Variants in USP19 observed in about 807,000 individuals in gnomAD.
USP19 encodes ubiquitin specific peptidase 19.
USP19 carries 40 observed loss-of-function variants against 144.8 expected under a neutral mutation model. That is an observed-to-expected ratio of 0.28 (90% CI 0.21 to 0.36). The LOEUF (loss-of-function observed/expected upper bound fraction) is 0.36. Among genes scored for constraint, USP19 ranks in the 10% least tolerant of loss-of-function variants. The probability of loss-of-function intolerance (pLI) is 1.00; values close to 1 mark genes in which losing one functional copy is unlikely to be tolerated. For missense variants in USP19, 1,518 were observed against 1,822.5 expected (o/e 0.83, Z 3.04); for synonymous variants, 701 against 709.3 (o/e 0.99, Z 0.19).
chr3:49,116,262 G>A lies in USP19; in HGVS notation c.1355+18C>T. On this transcript the variant is annotated intron_variant, in intron 9 of 26. Coordinates refer to ENST00000417901, the MANE Select transcript of USP19 (RefSeq NM_001199161.2). The surrounding 1 kb of genome is among the most constrained non-coding windows in gnomAD (Gnocchi z 5.0). ...ACGGGGTAGGACAGGCACAGTGGTG[G>A]GGCCGGGCACCACCCACCTGAGCTT... is the stretch of plus-strand genomic sequence containing the variant. 6.2e-7 allele frequency: 1 copy of A among 1,613,390 alleles called. No homozygotes were observed. The highest frequency in any genetic ancestry group is 8.5e-7 in the Non-Finnish European group (1 of 1,179,802).
chr3:49,120,706 C>G (rs935194791), intron 1 of USP19, 50 bp downstream of exon 1: 1 of 187,252 alleles, frequency 5.3e-6, no homozygotes, highest in South Asian at 1.0e-4. Context: ...CCGCGCGTTG[C>G]GGCCTCCCCG....
In USP19 at chr3:49,111,841, A is replaced by T. The variant is rs377094420; in HGVS notation, c.2904-28T>A. The T allele has an allele frequency of 1.1e-5, 17 of 1,587,146 alleles. No homozygotes were observed. The highest frequency in any genetic ancestry group is 1.5e-5 in the Non-Finnish European group (17 of 1,165,184). ...GGCAACAGAGAACAACGCAAGTAAG[A>T]CTCCTGACCAGCCCATCTAGCACCT... On this transcript the variant is annotated intron_variant, in intron 20 of 26. Coordinates refer to ENST00000417901, the MANE Select transcript of USP19 (RefSeq NM_001199161.2). This position sits in a 1 kb window ranked among gnomAD's most constrained non-coding sequence, Gnocchi z 5.9.
rs2044244551 is a variant in USP19, at chr3:49,116,953, G to T, written c.910-10C>A. ...GTTCATCAGCCTCAACCTATTAATG[G>T]CAAGATTGTGGAAAGAATCAGCCCT... On this transcript the variant is annotated splice_polypyrimidine_tract_variant and intron_variant, in intron 6 of 26. Transcript: ENST00000417901. This position sits in a 1 kb window ranked among gnomAD's most constrained non-coding sequence, Gnocchi z 5.0. The T allele has an allele frequency of 6.2e-7, 1 of 1,611,458 alleles. No individual in the cohort carries two copies. The highest frequency in any genetic ancestry group is 1.3e-5 in the African/African-American group (1 of 74,864).
rs1019737663 is a variant in USP19, at chr3:49,114,835, C to T, written c.2220G>A (p.Arg740=). 6.2e-7 allele frequency: 1 copy of T among 1,614,072 alleles called. No homozygotes were observed. The highest frequency in any genetic ancestry group is 1.3e-5 in the African/African-American group (1 of 74,912). ...ATAGGTCCACGATGAAAGAGTCATTCCTCATCTTGTGCCGCTGCCATGCTT... is the reference window on the plus strand; with the variant it reads ...ATAGGTCCACGATGAAAGAGTCATTTCTCATCTTGTGCCGCTGCCATGCTT... The part of the protein sequence containing the change: ...AEEAWQRHKM[R]NDSFIVDLFQ... The change falls in exon 15 of 27, where the codon AGG becomes AGA. Residue 740 remains arginine, a synonymous_variant. Transcript: ENST00000417901. The surrounding 1 kb of genome is among the most constrained non-coding windows in gnomAD (Gnocchi z 4.5).
At position 49,116,753 on chromosome 3, in the gene USP19, G is replaced by A. The variant is rs371754773; in HGVS notation, c.1100C>T (p.Ala367Val). 2.9e-5 allele frequency: 47 copies of A among 1,611,992 alleles called. No individual in the cohort carries two copies. Among genetic ancestry groups the A allele is most frequent in the Non-Finnish European group, 4.0e-5 (47 of 1,178,742 alleles). The change falls in exon 7 of 27, where the codon GCA becomes GTA. Residue 367 changes from alanine to valine, a missense_variant. Coordinates refer to ENST00000417901, the MANE Select transcript of USP19 (RefSeq NM_001199161.2). This position sits in a 1 kb window ranked among gnomAD's most constrained non-coding sequence, Gnocchi z 5.0. Reference protein sequence around the residue: ...DDCAKEEMAVAADAATLVDEP... With the variant: ...DDCAKEEMAVVADAATLVDEP... ...ATCCACCAAGGTTGCAGCATCTGCT[G>A]CCACTGCCATCTCCTCCTTGGCACA... is the stretch of plus-strand genomic sequence containing the variant.
Position 49,117,628 on chromosome 3 carries a change from A to G in USP19, c.472+29T>C. The stretch of plus-strand genomic sequence containing the variant: ...AGGAGATATCAGAAGATTCAAACAT[A>G]CTACTGTGCTCAGGGCAGATGGACA... On this transcript the variant is annotated intron_variant, in intron 4 of 26. Transcript: ENST00000417901. This position sits in a 1 kb window ranked among gnomAD's most constrained non-coding sequence, Gnocchi z 4.4. The G allele has an allele frequency of 6.2e-7, 1 of 1,614,086 alleles. No individual in the cohort carries two copies. Among genetic ancestry groups the G allele is most frequent in the Non-Finnish European group, 8.5e-7 (1 of 1,179,996 alleles).
At position 49,116,703 on chromosome 3, in the gene USP19, C is replaced by G; in HGVS notation, c.1126+24G>C. The G allele has an allele frequency of 6.2e-7, 1 of 1,607,346 alleles. No homozygotes were observed. Among genetic ancestry groups the G allele is most frequent in the Non-Finnish European group, 8.5e-7 (1 of 1,175,928 alleles). On this transcript the variant is annotated intron_variant, in intron 7 of 26. Transcript: ENST00000417901. The surrounding 1 kb of genome is among the most constrained non-coding windows in gnomAD (Gnocchi z 5.0). ...AAACTTTGCAACCCAACCTAGGGCTCTGCCTGCCCACCCCCACCTTTACCA... is the reference window on the plus strand; with the variant it reads ...AAACTTTGCAACCCAACCTAGGGCTGTGCCTGCCCACCCCCACCTTTACCA...
chr3:49,119,462 C>T (rs1250211882), intron 1 of USP19, among the ~76,000 whole-genome samples, 181 bp from the exon 2 acceptor site: 1 of 152,240 alleles, frequency 6.6e-6, no homozygotes, highest in Non-Finnish European at 1.5e-5. Flanking sequence ...GCAGCAACCA[C>T]TTCTGGCCAA....
Position 49,115,193 on chromosome 3 carries a change from C to A in USP19, c.2022+35G>T. The A allele has an allele frequency of 1.2e-6, 2 of 1,613,280 alleles. No homozygotes were observed. Among genetic ancestry groups the A allele is most frequent in the Non-Finnish European group, 8.5e-7 (1 of 1,179,760 alleles). On this transcript the variant is annotated intron_variant, in intron 13 of 26. Coordinates refer to ENST00000417901, the MANE Select transcript of USP19 (RefSeq NM_001199161.2). The surrounding 1 kb of genome is among the most constrained non-coding windows in gnomAD (Gnocchi z 6.6). ...ACCCAGCTGGCTGGCCCTCCCCGCCCCCTCCAGCCAAGGGTGACAGTGGTC... is the reference window on the plus strand; with the variant it reads ...ACCCAGCTGGCTGGCCCTCCCCGCCACCTCCAGCCAAGGGTGACAGTGGTC...
intron 17 of USP19, among the ~76,000 whole-genome samples, chr3:49,113,691 G>A (rs573590685): frequency 1.3e-4 from 20 of 152,098 alleles, no homozygotes; most frequent in South Asian, 4.2e-4. Context: ...TCCACATCCC[G>A]GGCTCAAGTG....
chr3:49,110,013 G>A lies in USP19; in HGVS notation c.4038+171C>T. On this transcript the variant is annotated intron_variant, in intron 26 of 26. Coordinates refer to ENST00000417901, the MANE Select transcript of USP19 (RefSeq NM_001199161.2). The surrounding 1 kb of genome is among the most constrained non-coding windows in gnomAD (Gnocchi z 6.1). ...CTTGTATGTTTGTTAGTGTCCCCAAGGCATGGGGATGCCTCTGGCTAAAGC... is the reference window on the plus strand; with the variant it reads ...CTTGTATGTTTGTTAGTGTCCCCAAAGCATGGGGATGCCTCTGGCTAAAGC... The A allele has an allele frequency of 1.4e-6, 1 of 711,392 alleles. No individual in the cohort carries two copies. Among genetic ancestry groups the A allele is most frequent in the South Asian group, 3.6e-5 (1 of 27,968 alleles). The allele number at this position is 711,392 out of a possible 1,614,324, so 44.1% of individuals were successfully genotyped here. A position where few individuals can be genotyped will look rare whatever the true frequency, so the allele number is the denominator to read the frequency against.
chr3:49,114,128 G>A lies in USP19; in HGVS notation c.2404-35C>T, dbSNP rs2043677191. The A allele has an allele frequency of 1.9e-6, 3 of 1,613,968 alleles. No homozygotes were observed. The highest frequency in any genetic ancestry group is 2.2e-5 in the East Asian group (1 of 44,894). On this transcript the variant is annotated intron_variant, in intron 16 of 26. Coordinates refer to ENST00000417901, the MANE Select transcript of USP19 (RefSeq NM_001199161.2). This position sits in a 1 kb window ranked among gnomAD's most constrained non-coding sequence, Gnocchi z 4.5. The stretch of plus-strand genomic sequence containing the variant: ...AAAGGGCAGTCAGTGAGGGAGGTGG[G>A]CCACGTTCTCTAGAACAGCCCAGAG...
rs1044935489 is a variant in USP19 at position 49,117,084 on chromosome 3, G to A, written c.884C>T (p.Pro295Leu). The change falls in exon 6 of 27, where the codon CCC (proline) becomes CTC (leucine). Residue 295 changes from proline (P) to leucine (L), a missense_variant. Pro to Leu is a moderately conservative substitution (Grantham distance 98). Transcript: ENST00000417901. This position sits in a 1 kb window ranked among gnomAD's most constrained non-coding sequence, Gnocchi z 4.4. Reference protein sequence around the residue: ...DDPGPRGDAPPFVADPATQVE... With the variant: ...DDPGPRGDAPLFVADPATQVE... Reference sequence around the variant, plus strand: ...CTGGGTGGCTGGGTCAGCCACGAAGGGTGGGGCATCACCCCGGGGTCCAGG... The same window carrying A: ...CTGGGTGGCTGGGTCAGCCACGAAGAGTGGGGCATCACCCCGGGGTCCAGG... 2.2e-5 allele frequency: 33 copies of A among 1,520,418 alleles called. No individual in the cohort carries two copies. The highest frequency in any genetic ancestry group is 2.9e-5 in the Non-Finnish European group (33 of 1,130,328). 94.2% of individuals were successfully genotyped at this position (1,520,418 alleles called of 1,614,324 possible).
chr3:49,111,495 C>A lies in USP19; in HGVS notation c.3217+5G>T. ...CAGCTTCTAGAGCCTTTCACTGGAT[C>A]TTACCTTCGGGTCGGGACACCCTCT... On this transcript the variant is annotated splice_donor_5th_base_variant and intron_variant, in intron 21 of 26. Coordinates refer to ENST00000417901, the MANE Select transcript of USP19 (RefSeq NM_001199161.2). This position sits in a 1 kb window ranked among gnomAD's most constrained non-coding sequence, Gnocchi z 5.9. 2 of 1,611,624 alleles carry A rather than the reference C, an allele frequency of 1.2e-6. No individual in the cohort carries two copies. Among genetic ancestry groups the A allele is most frequent in the Non-Finnish European group, 1.7e-6 (2 of 1,179,734 alleles).
rs200552491 is a variant in USP19 at position 49,116,531 on chromosome 3, G to A, written c.1203C>T (p.His401=). Residue 401 remains histidine (H), a synonymous_variant, in exon 8 of 27, where the codon CAC becomes CAT. Coordinates refer to ENST00000417901, the MANE Select transcript of USP19 (RefSeq NM_001199161.2). The surrounding 1 kb of genome is among the most constrained non-coding windows in gnomAD (Gnocchi z 5.0). ...CCCTGCAGATCTCCTTCACGTACACGTGCACCACCACTGAATCCGGGCCCT... is the reference window on the plus strand; with the variant it reads ...CCCTGCAGATCTCCTTCACGTACACATGCACCACCACTGAATCCGGGCCCT... The part of the protein sequence containing the change: ...YEKGPDSVVV[H]VYVKEICRDT... The A allele has an allele frequency of 6.2e-6, 10 of 1,614,066 alleles. No homozygotes were observed. The highest frequency in any genetic ancestry group is 2.2e-5 in the East Asian group (1 of 44,896).
In USP19 at chr3:49,112,111, G is replaced by A. The variant is rs998232363; in HGVS notation, c.2766-63C>T. 4 of 1,591,558 alleles carry A rather than the reference G, an allele frequency of 2.5e-6. No individual in the cohort carries two copies. The highest frequency in any genetic ancestry group is 3.4e-6 in the Non-Finnish European group (4 of 1,167,264). ...CCATCTCCTATGACTCCATACTGGG[G>A]GCTAGTCATAGTCCCTGGGAACTGG... On this transcript the variant is annotated intron_variant, in intron 19 of 26. Coordinates refer to ENST00000417901, the MANE Select transcript of USP19 (RefSeq NM_001199161.2). The surrounding 1 kb of genome is among the most constrained non-coding windows in gnomAD (Gnocchi z 4.9).
rs776070487 is a variant in USP19, at chr3:49,114,159, G to A, written c.2403+15C>T. ...TTCTCTAGAACAGCCCAGAGGGTAG[G>A]GGCTTACTCCTCACCTTGATGGGCT... On this transcript the variant is annotated intron_variant, in intron 16 of 26. Coordinates refer to ENST00000417901, the MANE Select transcript of USP19 (RefSeq NM_001199161.2). The surrounding 1 kb of genome is among the most constrained non-coding windows in gnomAD (Gnocchi z 4.5). The A allele has an allele frequency of 1.2e-5, 19 of 1,614,030 alleles. No homozygotes were observed. Among genetic ancestry groups the A allele is most frequent in the Non-Finnish European group, 1.5e-5 (18 of 1,179,990 alleles).
Position 49,117,716 on chromosome 3 carries a change from A to C in USP19, c.413T>G (p.Leu138Arg). 6.2e-7 allele frequency: 1 copy of C among 1,614,212 alleles called. No individual in the cohort carries two copies. The highest frequency in any genetic ancestry group is 8.5e-7 in the Non-Finnish European group (1 of 1,180,032). ...AGCAGCATCTACATCCTCCAGCTGC[A>C]GGGGACCTACTCCCACACGAAGCTT... ...IVKLRVGVGP[L>R]QLEDVDAAFT... Residue 138 changes from leucine to arginine, a missense_variant, in exon 4 of 27, where the codon CTG (leucine) becomes CGG (arginine). Physicochemically the swap from Leu to Arg is moderately radical, Grantham distance 102. Transcript: ENST00000417901. This position sits in a 1 kb window ranked among gnomAD's most constrained non-coding sequence, Gnocchi z 4.4.
At position 49,111,230 on chromosome 3, in the gene USP19, G is replaced by A. The variant is rs749645616; in HGVS notation, c.3328+25C>T. On this transcript the variant is annotated intron_variant, in intron 22 of 26. Coordinates refer to ENST00000417901, the MANE Select transcript of USP19 (RefSeq NM_001199161.2). This position sits in a 1 kb window ranked among gnomAD's most constrained non-coding sequence, Gnocchi z 5.9. ...GAACAGCCAGCTCAACCCACCCCAT[G>A]GCTCCCACCCACAGCCTCAGACACC... The A allele has an allele frequency of 6.2e-7, 1 of 1,613,752 alleles. No homozygotes were observed. The highest frequency in any genetic ancestry group is 1.1e-5 in the South Asian group (1 of 91,060).
Sources: gnomAD v4.1 joint callset for allele counts (sites outside exome capture counted in the v4.1 genomes callset) on GRCh38, gnomAD v4.1.1 for gene constraint, Gnocchi (gnomAD v3.1) non-coding constraint, MANE v1.5 for transcripts, NCBI Gene and HGNC (gene_info 2026-07-23, HGNC 2026-07-21) for gene names.